Variants in DNAH3 observed in about 807,000 individuals in gnomAD.
DNAH3 encodes dynein axonemal heavy chain 3.
DNAH3 carries 332 observed loss-of-function variants against 432.5 expected under a neutral mutation model. The observed-to-expected ratio is 0.77, with a 90% CI of 0.70 to 0.84. DNAH3 has a LOEUF of 0.84. Among genes scored for constraint, DNAH3 ranks in the 40% least tolerant of loss-of-function variants. The pLI, the probability that DNAH3 is intolerant of heterozygous loss-of-function variation, is 0.00. For missense variants in DNAH3, 4,861 were observed against 5,114.0 expected (o/e 0.95, Z 1.51); for synonymous variants, 1,956 against 1,900.2 (o/e 1.03, Z -0.76).
rs1221455707 is a variant in DNAH3, at chr16:21,145,110, T to C, written c.448+71A>G. The C allele has an allele frequency of 7.5e-6, 10 of 1,336,548 alleles. No individual in the cohort carries two copies. The South Asian group carries it at 7.7e-5, about 10-fold the overall frequency. The allele number at this position is 1,336,548 out of a possible 1,614,324, so 82.8% of individuals were successfully genotyped here. A position where few individuals can be genotyped will look rare whatever the true frequency, so the allele number is the denominator to read the frequency against. ...CTGGGCGACAGAGTGAGACTCCATCTAAAATAAATAAATAAATAAAAATTT... is the reference window on the plus strand; with the variant it reads ...CTGGGCGACAGAGTGAGACTCCATCCAAAATAAATAAATAAATAAAAATTT... On this transcript the variant is annotated intron_variant, in intron 3 of 61. Transcript: ENST00000261383.
Position 20,968,654 on chromosome 16 carries a change from CTCTT to C in DNAH3, c.8458+1134_8458+1137del, listed in dbSNP as rs557905980. Among the ~76,000 whole-genome samples, 497 of 151,858 alleles carry C rather than the reference CTCTT, an allele frequency of 3.3e-3. 3 individuals carry two copies. The highest frequency in any genetic ancestry group is 0.011 in the African/African-American group (452 of 41,448). On this transcript the variant is annotated intron_variant, in intron 52 of 61. Coordinates refer to ENST00000261383, the Ensembl canonical transcript of DNAH3. ...TCTAATTCTCTGTATCCTCCTCTTTCTCTTTCTTTGTTCATCTGTCCCTCTCTCT... is the reference window on the plus strand; with the variant it reads ...TCTAATTCTCTGTATCCTCCTCTTTCTCTTTGTTCATCTGTCCCTCTCTCT...
At chr16:21,015,557 T>C (rs2087816271) in intron 41 of DNAH3, among the ~76,000 whole-genome samples, 1 of 152,172 alleles carries the variant, frequency 6.6e-6, no homozygotes, top group East Asian at 1.9e-4. Flanking sequence ...CTATGAACTT[T>C]GTTCATAATA....
intron 1 of DNAH3, among the ~76,000 whole-genome samples, chr16:21,153,777 C>T (rs1291460962): frequency 1.3e-5 from 2 of 152,144 alleles, no homozygotes; most frequent in African/African-American, 2.4e-5. Context: ...CGCGAGGGCC[C>T]ACGGCTTCAT....
At chr16:20,989,088 G>A (rs1037699560) in intron 44 of DNAH3, among the ~76,000 whole-genome samples, 14 of 152,222 alleles carry the variant, frequency 9.2e-5, no homozygotes, top group East Asian at 3.8e-4. Flanking sequence ...AGCTTCCACA[G>A]TGCGGAAAGA....
At position 21,085,172 on chromosome 16, in the gene DNAH3, A is replaced by T. The variant is rs2091322238; in HGVS notation, c.2877+1677T>A. Reference sequence around the variant, plus strand: ...GGCAGGAGGATCACTTGAGGCCAGGAATTTGAGACCAGCCTGGGCAACATA... The same window carrying T: ...GGCAGGAGGATCACTTGAGGCCAGGTATTTGAGACCAGCCTGGGCAACATA... On this transcript the variant is annotated intron_variant, in intron 19 of 61. Transcript: ENST00000261383. Among the ~76,000 whole-genome samples, 5 of 151,730 alleles carry T rather than the reference A, an allele frequency of 3.3e-5. No homozygotes were observed. The South Asian group carries it at 6.3e-4, about 19-fold the overall frequency.
At chr16:20,939,676 C>T (rs1200270433) in intron 59 of DNAH3, among the ~76,000 whole-genome samples, 2 of 151,812 alleles carry the variant, frequency 1.3e-5, no homozygotes, top group Non-Finnish European at 2.9e-5. Flanking sequence ...AATAACACTC[C>T]TCCAGTCCCC....
rs2089311402 is a variant in DNAH3 at position 21,039,213 on chromosome 16, GCT to G, written c.4730+637_4730+638del. Among the ~76,000 whole-genome samples, 5 of 103,628 alleles carry G rather than the reference GCT, an allele frequency of 4.8e-5. 1 individual carries two copies. The highest frequency in any genetic ancestry group is 5.9e-5 in the Non-Finnish European group (3 of 51,030). 68.0% of individuals were successfully genotyped at this position (103,628 alleles called of 152,430 possible). On this transcript the variant is annotated intron_variant, in intron 33 of 61. Coordinates refer to ENST00000261383, the Ensembl canonical transcript of DNAH3. ...ATAATTGCATATGTTTTATAGTGTT[GCT>G]TTTTTTTTTTTTTTTTTTTTTGAGA...
In DNAH3 at chr16:21,031,042, T is replaced by C; in HGVS notation, c.5439+3A>G. ...GAAAAGTCATATCAGGGTCAATACT[T>C]ACCTTTTTATTGTCATCCAGAACAG... On this transcript the variant is annotated splice_donor_region_variant and intron_variant, in intron 37 of 61. Transcript: ENST00000261383. 1 of 1,614,120 alleles carries C rather than the reference T, an allele frequency of 6.2e-7. No homozygotes were observed. Among genetic ancestry groups the C allele is most frequent in the East Asian group, 2.2e-5 (1 of 44,886 alleles).
At chr16:21,083,419 G>T (rs372507869) in intron 19 of DNAH3, among the ~76,000 whole-genome samples, 1 of 152,140 alleles carries the variant, frequency 6.6e-6, no homozygotes, top group South Asian at 2.1e-4. Flanking sequence ...AGTGTTATAG[G>T]CACATGATGA....
At chr16:20,970,723 C>T (rs546582290) in intron 51 of DNAH3, among the ~76,000 whole-genome samples, 11 of 152,244 alleles carry the variant, frequency 7.2e-5, no homozygotes, top group South Asian at 2.1e-4. Flanking sequence ...TGATCATCCT[C>T]ATTAGGGGGG....
intron 24 of DNAH3, among the ~76,000 whole-genome samples, chr16:21,064,608 C>A (rs2090475979): frequency 1.3e-5 from 2 of 152,096 alleles, no homozygotes. Context: ...TCTCCCACTC[C>A]CAAGTGAAAT....
intron 14 of DNAH3, 43 bp downstream of exon 14, chr16:21,111,583 G>C: frequency 6.4e-7 from 1 of 1,570,028 alleles, no homozygotes. Context: ...TCTCCAGTTG[G>C]TGCCAAATAC....
rs755438192 is a variant in DNAH3, at chr16:21,106,479, A to G, written c.2284+11T>C. On this transcript the variant is annotated intron_variant, in intron 15 of 61. Coordinates refer to ENST00000261383, the Ensembl canonical transcript of DNAH3. ...ATGCATTTCGATGGTCACACATGGC[A>G]TTGGACTTACACGGCAAGTCTGCAT... The G allele has an allele frequency of 3.9e-5, 62 of 1,577,364 alleles. No homozygotes were observed. Among genetic ancestry groups the G allele is most frequent in the Non-Finnish European group, 5.0e-5 (58 of 1,154,932 alleles).
chr16:20,967,947 C>T (rs2085138672), intron 52 of DNAH3, among the ~76,000 whole-genome samples: 1 of 152,200 alleles, frequency 6.6e-6, no homozygotes, highest in South Asian at 2.1e-4. Context: ...AACATCTGCT[C>T]TTTGCTTGAC....
intron 58 of DNAH3, among the ~76,000 whole-genome samples, chr16:20,943,369 C>A (rs2083901307): frequency 1.3e-5 from 2 of 152,036 alleles, no homozygotes; most frequent in Non-Finnish European, 2.9e-5. Context: ...TGAGCCATGG[C>A]ACCCAGCCCT....
At chr16:21,014,798 C>T (rs924319816) in intron 41 of DNAH3, among the ~76,000 whole-genome samples, 2 of 151,854 alleles carry the variant, frequency 1.3e-5, no homozygotes, top group African/African-American at 2.4e-5. Flanking sequence ...AGGCAATGAA[C>T]AAGTGGAATT....
At chr16:21,020,699 C>T (rs1236634080) in intron 40 of DNAH3, among the ~76,000 whole-genome samples, 4 of 151,762 alleles carry the variant, frequency 2.6e-5, no homozygotes, top group African/African-American at 7.3e-5. Flanking sequence ...AGACCGCACC[C>T]GGCCTTTACT....
chr16:21,146,487 C>T (rs920537533), intron 1 of DNAH3, among the ~76,000 whole-genome samples: 37 of 151,996 alleles, frequency 2.4e-4, no homozygotes, highest in Admixed American at 1.9e-3. Context: ...ACCTGGGACG[C>T]GGAGGTTGCG....
exon 6 of DNAH3, chr16:21,136,465 G>C (rs140282790): frequency 1.2e-6 from 2 of 1,613,912 alleles, no homozygotes; most frequent in African/African-American, 1.3e-5. Context: ...CCCTCCTCAG[G>C]GGCAATCATG....
Sources: allele counts gnomAD v4.1 joint callset (sites outside exome capture counted in the v4.1 genomes callset), GRCh38; gene constraint gnomAD v4.1.1; transcripts MANE v1.5; gene names NCBI Gene and HGNC (gene_info 2026-07-23, HGNC 2026-07-21).